The following MGRN1 variants were observed in gnomAD, a reference collection of about 807,000 sequenced individuals.
MGRN1 encodes mahogunin ring finger 1.
MGRN1 carries 29 observed loss-of-function variants against 69.2 expected under a neutral mutation model. The observed-to-expected ratio is 0.42, with a 90% CI of 0.31 to 0.57. The LOEUF (loss-of-function observed/expected upper bound fraction) is 0.57, where lower values mean the gene tolerates loss of function less well. MGRN1 is among the 20% of genes least tolerant of loss of function. The pLI is 0.15. For missense variants in MGRN1, 998 were observed against 796.2 expected, an observed-to-expected ratio of 1.25 and a Z score of -3.05; for synonymous variants, 470 against 344.2, an observed-to-expected ratio of 1.37 and a Z score of -4.04.
intron 10 of MGRN1, among the ~76,000 whole-genome samples, chr16:4,675,702 C>T (rs376600319): frequency 6.6e-6 from 1 of 151,374 alleles, no homozygotes; most frequent in East Asian, 1.9e-4. Flanking sequence ...CCACTGCACC[C>T]CCGCCTGAGA....
At chr16:4,638,835 C>T (rs1262783640) in intron 1 of MGRN1, among the ~76,000 whole-genome samples, 1 of 152,226 alleles carries the variant, frequency 6.6e-6, no homozygotes, top group African/African-American at 2.4e-5. Context: ...TTCCCACTCC[C>T]CCTTCCTCGG....
At position 4,671,757 on chromosome 16, in the gene MGRN1, G is replaced by T. The variant is rs139075119; in HGVS notation, c.795+298G>T. On this transcript the variant is annotated intron_variant, in intron 9 of 16. Coordinates refer to ENST00000262370, the MANE Select transcript of MGRN1 (RefSeq NM_015246.4). ...CAGGTGTGTGGCACCCTGCTGCCCG[G>T]CTCCTGCCCGCCTCCCCAGAGACAG... 2.2e-3 allele frequency among the ~76,000 whole-genome samples: 337 copies of T among 152,236 alleles called. 2 individuals carry two copies. Among genetic ancestry groups the T allele is most frequent in the African/African-American group, 7.9e-3 (328 of 41,506 alleles).
chr16:4,675,007 CTG>C (rs1482818901), intron 10 of MGRN1, among the ~76,000 whole-genome samples: 1 of 152,056 alleles, frequency 6.6e-6, no homozygotes, highest in Non-Finnish European at 1.5e-5. Flanking sequence ...AGTCTTAACT[CTG>C]TTGCCTAGGC....
intron 1 of MGRN1, among the ~76,000 whole-genome samples, chr16:4,642,732 G>T (rs923280301): frequency 1.2e-4 from 18 of 151,930 alleles, no homozygotes; most frequent in African/African-American, 4.1e-4. Context: ...CTCCCAAAGT[G>T]CTGGGATTAC....
At chr16:4,638,342 G>A (rs891368310) in intron 1 of MGRN1, among the ~76,000 whole-genome samples, 1 of 152,188 alleles carries the variant, frequency 6.6e-6, no homozygotes, top group South Asian at 2.1e-4. Flanking sequence ...GCGGGTGCCT[G>A]TAATCTCAGC....
chr16:4,683,799 C>A, intron 15 of MGRN1, 44 bp from the exon 16 acceptor site: 2 of 1,579,424 alleles, frequency 1.3e-6, no homozygotes, highest in South Asian at 1.1e-5. Context: ...CTGCCGGGAC[C>A]TGGCCCCTGC....
intron 11 of MGRN1, among the ~76,000 whole-genome samples, chr16:4,679,339 C>T (rs1387443102): frequency 1.3e-5 from 2 of 152,118 alleles, no homozygotes; most frequent in African/African-American, 4.8e-5. Flanking sequence ...GTGAGCTGGG[C>T]GGCCGGGGTC....
chr16:4,655,419 T>C (rs1305756385), intron 4 of MGRN1, among the ~76,000 whole-genome samples: 1 of 151,926 alleles, frequency 6.6e-6, no homozygotes, highest in African/African-American at 2.4e-5. Flanking sequence ...TCCCCCCCTC[T>C]CAGGACCTGG....
intron 1 of MGRN1, among the ~76,000 whole-genome samples, chr16:4,641,810 C>T (rs147531762): frequency 1.1e-4 from 16 of 152,192 alleles, no homozygotes; most frequent in Admixed American, 2.6e-4. Flanking sequence ...TGAGCCACTG[C>T]GCCTGGCCAC....
intron 5 of MGRN1, among the ~76,000 whole-genome samples, chr16:4,660,413 G>A (rs1010994438): frequency 6.6e-6 from 1 of 152,238 alleles, no homozygotes; most frequent in African/African-American, 2.4e-5. Context: ...CATCTTGCAC[G>A]CCTCCCCAGA....
chr16:4,661,058 C>T (rs1405176387), intron 5 of MGRN1, among the ~76,000 whole-genome samples: 7 of 152,118 alleles, frequency 4.6e-5, no homozygotes, highest in African/African-American at 9.7e-5. Context: ...CACAGCTTGC[C>T]GCAGCCTCGA....
At chr16:4,686,645 C>G in intron 16 of MGRN1, 1 of 1,129,832 alleles carries the variant, frequency 8.9e-7, no homozygotes, top group South Asian at 3.1e-5. Context: ...CCACTGTCCA[C>G]TGCGGGAGGC....
chr16:4,642,194 G>A (rs111295557), intron 1 of MGRN1, among the ~76,000 whole-genome samples: 9,595 of 150,350 alleles, frequency 0.064, 1,040 homozygotes, highest in African/African-American at 0.22. Context: ...GCAGTGGCGC[G>A]ATTTCAGCTC....
chr16:4,686,445 G>A (rs1567244741), intron 16 of MGRN1: 9 of 1,428,092 alleles, frequency 6.3e-6, no homozygotes, highest in Middle Eastern at 2.5e-4. Flanking sequence ...CCTGGATTCC[G>A]AATCCAGAGC....
chr16:4,639,642 T>G (rs1030881443), intron 1 of MGRN1: 2 of 152,062 alleles, frequency 1.3e-5, no homozygotes, highest in African/African-American at 4.8e-5. Context: ...CGCCTGCCTG[T>G]GGATCCACAC....
At chr16:4,643,640 G>A (rs1053994412) in intron 1 of MGRN1, among the ~76,000 whole-genome samples, 5 of 152,080 alleles carry the variant, frequency 3.3e-5, no homozygotes, top group Non-Finnish European at 5.9e-5. Flanking sequence ...CCAAAGTGCT[G>A]GGATTACACG....
chr16:4,687,501 G>A (rs1259196813), intron 16 of MGRN1: 11 of 974,168 alleles, frequency 1.1e-5, no homozygotes, highest in African/African-American at 1.8e-5. Flanking sequence ...AGCCTGAGAC[G>A]CTGTCTCAAT....
In MGRN1 at chr16:4,688,425, C is replaced by A. The variant is rs187886686; in HGVS notation, c.1619-371C>A. ...TGGGTTGACCGAGTTCCACCCTAAC[C>A]CAGCCGTAAGAACCTTGGCAGGACA... On this transcript the variant is annotated intron_variant, in intron 16 of 16. Transcript: ENST00000262370. 1,618 of 1,045,164 alleles carry A rather than the reference C, an allele frequency of 1.5e-3. 6 individuals are homozygous for A. The highest frequency in any genetic ancestry group is 1.7e-3 in the Non-Finnish European group (1,501 of 868,054). The allele number at this position is 1,045,164 out of a possible 1,614,324, so 64.7% of individuals were successfully genotyped here.
At chr16:4,661,287 T>C (rs2078674660) in intron 5 of MGRN1, among the ~76,000 whole-genome samples, 1 of 152,186 alleles carries the variant, frequency 6.6e-6, no homozygotes, top group African/African-American at 2.4e-5. Context: ...CCCACCAGTC[T>C]GCAGCTTTCT....
Sources: gnomAD v4.1 joint callset for allele counts (sites outside exome capture counted in the v4.1 genomes callset) on GRCh38, gnomAD v4.1.1 for gene constraint, MANE v1.5 for transcripts, NCBI Gene and HGNC (gene_info 2026-07-23, HGNC 2026-07-21) for gene names.